SOX5: variants seen among roughly 807,000 people sequenced by gnomAD.
SOX5 encodes the protein transcription factor SOX-5.
In SOX5, 9 loss-of-function variants were observed where a neutral mutation model predicts 92.0. The ratio of observed to expected loss-of-function variants is 0.10; its 90% CI spans 0.06 to 0.17. The LOEUF (loss-of-function observed/expected upper bound fraction) is 0.17. Among genes scored for constraint, SOX5 ranks in the 10% least tolerant of loss-of-function variants. The pLI is 1.00. For missense variants in SOX5, 642 were observed against 944.5 expected (o/e 0.68, Z 4.20); for synonymous variants, 344 against 336.3 (o/e 1.02, Z -0.25).
chr12:24,445,251 A>G (rs145450558), intron 1 of SOX5, among the ~76,000 whole-genome samples: 1 of 152,240 alleles, frequency 6.6e-6, no homozygotes, highest in Non-Finnish European at 1.5e-5. Flanking sequence ...TTTGCATGGT[A>G]TCAGACATGT....
chr12:24,515,363 C>A (rs763204671), intron 1 of SOX5, among the ~76,000 whole-genome samples: 1 of 152,106 alleles, frequency 6.6e-6, no homozygotes, highest in Non-Finnish European at 1.5e-5. Flanking sequence ...GTAGTGTCTT[C>A]CATACAGTGA....
At chr12:24,389,092 G>A (rs1051047309) in intron 1 of SOX5, among the ~76,000 whole-genome samples, 2 of 152,002 alleles carry the variant, frequency 1.3e-5, no homozygotes, top group East Asian at 3.9e-4. Context: ...ATCTCCTAAA[G>A]CTATCCCTCC....
chr12:24,053,046 G>C (rs1372423636), intron 4 of SOX5, among the ~76,000 whole-genome samples: 1 of 152,106 alleles, frequency 6.6e-6, no homozygotes, highest in African/African-American at 2.4e-5. Context: ...GTAAAACTTA[G>C]AGATGACTTT....
At chr12:24,433,306 C>G (rs138461540) in intron 1 of SOX5, among the ~76,000 whole-genome samples, 2,191 of 152,250 alleles carry the variant, frequency 0.014, 22 homozygotes, top group Middle Eastern at 0.024. Context: ...TGGAAAACTA[C>G]TAAAATTGTT....
At chr12:24,382,498 C>T (rs1334100641) in intron 1 of SOX5, among the ~76,000 whole-genome samples, 4 of 152,122 alleles carry the variant, frequency 2.6e-5, no homozygotes, top group African/African-American at 9.7e-5. Flanking sequence ...AGGGCTGACT[C>T]TGCTCCTCAA....
At chr12:24,256,067 T>G (rs1468308837) in intron 3 of SOX5, among the ~76,000 whole-genome samples, 1 of 152,232 alleles carries the variant, frequency 6.6e-6, no homozygotes, top group South Asian at 2.1e-4. Flanking sequence ...CAGGTCAGTT[T>G]GCTCAAAGTG....
chr12:23,826,226 C>T (rs1016259289), intron 3 of SOX5, among the ~76,000 whole-genome samples: 44 of 150,456 alleles, frequency 2.9e-4, no homozygotes, highest in Non-Finnish European at 2.2e-4. Context: ...TTCCTGTGTC[C>T]ATGTGTTCTC....
At chr12:23,731,084 G>A (rs1249552541) in intron 6 of SOX5, among the ~76,000 whole-genome samples, 1 of 152,212 alleles carries the variant, frequency 6.6e-6, no homozygotes, top group Non-Finnish European at 1.5e-5. Flanking sequence ...TCTATCTGGT[G>A]GGACTGGGAT....
At chr12:23,562,186 G>A (rs1443673935) in intron 11 of SOX5, among the ~76,000 whole-genome samples, 1 of 152,138 alleles carries the variant, frequency 6.6e-6, no homozygotes, top group Non-Finnish European at 1.5e-5. Flanking sequence ...TGCAAGGGAT[G>A]TATACTGAGC....
intron 10 of SOX5, among the ~76,000 whole-genome samples, chr12:23,571,561 G>T (rs751855750): frequency 2.4e-4 from 37 of 152,092 alleles, no homozygotes; most frequent in Non-Finnish European, 4.7e-4. Flanking sequence ...ATAAATGGCC[G>T]AGAAGAGCAT....
chr12:24,530,629 G>A (rs1951108967), intron 1 of SOX5, among the ~76,000 whole-genome samples: 1 of 151,420 alleles, frequency 6.6e-6, no homozygotes, highest in South Asian at 2.1e-4. Context: ...CTTCAGCCTG[G>A]GCAACAGAGT....
chr12:23,979,707 G>GTTTTTTTTT (rs1177945407), intron 4 of SOX5, among the ~76,000 whole-genome samples: 8 of 77,496 alleles, frequency 1.0e-4, no homozygotes, highest in African/African-American at 2.8e-4. Flanking sequence ...TGTTTTTTTT[G>GTTTTTTTTT]TTTTTTTTTT....
chr12:24,027,853 T>C (rs1955049102), intron 4 of SOX5, among the ~76,000 whole-genome samples: 1 of 151,940 alleles, frequency 6.6e-6, no homozygotes, highest in Non-Finnish European at 1.5e-5. Context: ...CAGAGTCATC[T>C]TTTGAAAATG....
intron 1 of SOX5, among the ~76,000 whole-genome samples, chr12:24,450,028 C>T (rs751230007): frequency 5.3e-5 from 8 of 152,104 alleles, no homozygotes; most frequent in Non-Finnish European, 1.0e-4. Context: ...AATGAGTATG[C>T]GCAACCACAA....
chr12:23,979,659 G>A (rs1025124015), intron 4 of SOX5, among the ~76,000 whole-genome samples: 8 of 104,814 alleles, frequency 7.6e-5, no homozygotes, highest in South Asian at 3.0e-4. Context: ...CTCACAAATC[G>A]TTTCTCATTT....
At chr12:23,730,847 G>A (rs2093363785) in intron 6 of SOX5, among the ~76,000 whole-genome samples, 1 of 152,182 alleles carries the variant, frequency 6.6e-6, no homozygotes, top group South Asian at 2.1e-4. Flanking sequence ...GAAATAACCT[G>A]GATGTGATGA....
intron 7 of SOX5, among the ~76,000 whole-genome samples, chr12:23,662,722 A>G (rs1371146259): frequency 1.3e-5 from 2 of 152,194 alleles, no homozygotes; most frequent in African/African-American, 4.8e-5. Context: ...GAGTACATTT[A>G]AAGTCTCTAG....
intron 1 of SOX5, among the ~76,000 whole-genome samples, chr12:24,562,121 T>G (rs903614289): frequency 3.3e-5 from 5 of 151,854 alleles, no homozygotes; most frequent in African/African-American, 1.2e-4. Context: ...GCCTCCCACC[T>G]CTCCGCCACC....
intron 1 of SOX5, among the ~76,000 whole-genome samples, chr12:24,403,669 T>C (rs948342792): frequency 6.6e-6 from 1 of 152,134 alleles, no homozygotes. Flanking sequence ...CAAGCTTATT[T>C]ACATGGCCAA....
Sources: allele counts gnomAD v4.1 joint callset (sites outside exome capture counted in the v4.1 genomes callset), GRCh38; gene constraint gnomAD v4.1.1; transcripts MANE v1.5; gene names NCBI Gene and HGNC (gene_info 2026-07-23, HGNC 2026-07-21).